KCNT2: variants seen among roughly 807,000 people sequenced by gnomAD.
KCNT2 encodes the protein potassium sodium-activated channel subfamily T member 2.
In KCNT2, 67 loss-of-function variants were observed where a neutral mutation model predicts 153.8. That is an observed-to-expected ratio of 0.44 (90% CI 0.36 to 0.53). The LOEUF (loss-of-function observed/expected upper bound fraction) is 0.53, where lower values mean the gene tolerates loss of function less well. Ranked by LOEUF, KCNT2 falls within the 20% of genes least tolerant of loss-of-function variation. The pLI is 0.00. For synonymous variants in KCNT2, 500 were observed against 458.8 expected (o/e 1.09, Z -1.15); for missense variants, 975 against 1,354.8 (o/e 0.72, Z 4.40).
intron 8 of KCNT2, among the ~76,000 whole-genome samples, chr1:196,451,399 C>A (rs1374133855): frequency 1.5e-5 from 2 of 130,896 alleles, no homozygotes; most frequent in Non-Finnish European, 3.2e-5. Context: ...CGCTACCACA[C>A]CCAACACATT....
intron 1 of KCNT2, among the ~76,000 whole-genome samples, chr1:196,522,179 A>G (rs1352621267): frequency 1.3e-5 from 2 of 152,206 alleles, no homozygotes; most frequent in African/African-American, 2.4e-5. Flanking sequence ...TTCTGCATGC[A>G]TATTTACAAA....
chr1:196,483,059 G>C (rs1679136362), intron 3 of KCNT2, among the ~76,000 whole-genome samples: 1 of 151,926 alleles, frequency 6.6e-6, no homozygotes, highest in African/African-American at 2.4e-5. Context: ...GATTCCAATG[G>C]GAGTTACTTA....
At chr1:196,334,483 C>CTTTTTTTTTTTTTTT (rs757677685) in intron 16 of KCNT2, among the ~76,000 whole-genome samples, 17 of 42,334 alleles carry the variant, frequency 4.0e-4, no homozygotes, top group African/African-American at 1.2e-3. Flanking sequence ...TTCTTTCTTT[C>CTTTTTTTTTTTTTTT]TTTCTTTTTT....
chr1:196,489,460 A>C (rs961463587), intron 3 of KCNT2, among the ~76,000 whole-genome samples: 2 of 152,012 alleles, frequency 1.3e-5, no homozygotes, highest in Non-Finnish European at 1.5e-5. Context: ...GAGTCTTATG[A>C]GGAGATTACA....
intron 1 of KCNT2, among the ~76,000 whole-genome samples, chr1:196,516,996 A>C (rs1005653073): frequency 2.6e-5 from 4 of 152,142 alleles, no homozygotes; most frequent in Admixed American, 6.5e-5. Context: ...AGCTGGGACT[A>C]TGGAGCCAGT....
intron 8 of KCNT2, among the ~76,000 whole-genome samples, chr1:196,438,718 T>A (rs1674948619): frequency 6.6e-6 from 1 of 151,840 alleles, no homozygotes; most frequent in Non-Finnish European, 1.5e-5. Flanking sequence ...ATCACTGAGA[T>A]TAATTGAATA....
In KCNT2 at chr1:196,350,476, C is replaced by T. The variant is rs895498693; in HGVS notation, c.1404-8248G>A. Among the ~76,000 whole-genome samples, 16 of 152,202 alleles carry T rather than the reference C, an allele frequency of 1.1e-4. No individual in the cohort carries two copies. The East Asian group carries it at 1.7e-3, about 17-fold the overall frequency. ...TGGCCAGTGATGATGAGCATTTTTT[C>T]ATGTGTCTTTTGGCTGCATAAATGT... On this transcript the variant is annotated intron_variant, in intron 14 of 27. Transcript: ENST00000294725.
rs761574797 is a variant in KCNT2, at chr1:196,489,872, C to T, written c.241G>A (p.Val81Ile). 1.4e-5 allele frequency: 23 copies of T among 1,590,740 alleles called. No individual in the cohort carries two copies. Among genetic ancestry groups the T allele is most frequent in the Non-Finnish European group, 1.9e-5 (22 of 1,167,778 alleles). The change falls in exon 3 of 28, where the codon GTA (valine) becomes ATA (isoleucine). Residue 81 changes from valine (V) to isoleucine (I), a missense_variant. This residue lies in a region of KCNT2 where 140 missense variants were observed against 216.0 expected (regional missense o/e 0.65). Transcript: ENST00000294725. Reference protein sequence around the residue: ...LLSCLLYIIRVLLENPSQGNE... With the variant: ...LLSCLLYIIRILLENPSQGNE... ...CCTTGTGAAGGGTTTTCTAGTAGTA[C>T]TCGGATTATGTATAATAAGCAGCTT...
At chr1:196,565,061 C>T (rs1435263893) in intron 1 of KCNT2, among the ~76,000 whole-genome samples, 1 of 145,694 alleles carries the variant, frequency 6.9e-6, no homozygotes, top group Admixed American at 6.9e-5. Context: ...ATTTGCAAAC[C>T]ATATATCTGA....
chr1:196,516,045 T>C (rs927371371), intron 1 of KCNT2, among the ~76,000 whole-genome samples: 4 of 152,148 alleles, frequency 2.6e-5, no homozygotes, highest in Non-Finnish European at 1.5e-5. Context: ...CAAAGGCAGC[T>C]GCAACTCCAG....
intron 8 of KCNT2, among the ~76,000 whole-genome samples, chr1:196,434,488 C>T (rs2148559751): frequency 1.3e-5 from 2 of 152,044 alleles, no homozygotes; most frequent in African/African-American, 4.8e-5. Flanking sequence ...ATAATGTACT[C>T]ATAAGGGCAG....
intron 1 of KCNT2, among the ~76,000 whole-genome samples, chr1:196,607,042 TA>T (rs1252875440): frequency 6.6e-6 from 1 of 152,122 alleles, no homozygotes; most frequent in Admixed American, 6.5e-5. Flanking sequence ...CCTTTCAAAT[TA>T]CTAATATGAG....
Position 196,479,271 on chromosome 1 carries a change from G to A in KCNT2, c.325-33C>T, listed in dbSNP as rs147284272. 2.4e-3 allele frequency: 2,967 copies of A among 1,244,568 alleles called. 33 individuals are homozygous for A. The highest frequency in any genetic ancestry group is 0.018 in the East Asian group (769 of 42,756). The allele number at this position is 1,244,568 out of a possible 1,614,324, so 77.1% of individuals were successfully genotyped here. A position where few individuals can be genotyped will look rare whatever the true frequency, so the allele number is the denominator to read the frequency against. ...ATAAATTGTAACTTAATGAGAAAAC[G>A]CAATACAATTAAATTATATATATTC... On this transcript the variant is annotated intron_variant, in intron 4 of 27. Coordinates refer to ENST00000294725, the MANE Select transcript of KCNT2 (RefSeq NM_198503.5).
chr1:196,353,456 G>T (rs928220968), intron 14 of KCNT2, among the ~76,000 whole-genome samples: 1 of 151,718 alleles, frequency 6.6e-6, no homozygotes, highest in African/African-American at 2.4e-5. Context: ...CCAAACCTGG[G>T]GCAACATGAA....
chr1:196,559,407 G>T (rs1432078444), intron 1 of KCNT2, among the ~76,000 whole-genome samples: 1 of 151,440 alleles, frequency 6.6e-6, no homozygotes, highest in Non-Finnish European at 1.5e-5. Flanking sequence ...TGAATATTTC[G>T]ATTGTTTCCA....
At chr1:196,592,112 C>A (rs1663428278) in intron 1 of KCNT2, among the ~76,000 whole-genome samples, 1 of 152,006 alleles carries the variant, frequency 6.6e-6, no homozygotes, top group African/African-American at 2.4e-5. Context: ...TTGGAAGCAA[C>A]CCATTTCCAT....
intron 1 of KCNT2, among the ~76,000 whole-genome samples, chr1:196,593,551 C>T (rs913883733): frequency 5.9e-5 from 9 of 151,664 alleles, no homozygotes; most frequent in Non-Finnish European, 1.2e-4. Context: ...AGAGTATAAT[C>T]GGATTTTTTG....
chr1:196,547,956 C>T (rs535345998), intron 1 of KCNT2, among the ~76,000 whole-genome samples: 4 of 151,716 alleles, frequency 2.6e-5, no homozygotes, highest in South Asian at 2.1e-4. Flanking sequence ...TGATCTGGTA[C>T]GTCTATAGTG....
chr1:196,298,903 G>A (rs75136392), intron 22 of KCNT2, among the ~76,000 whole-genome samples: 209 of 150,786 alleles, frequency 1.4e-3, no homozygotes, highest in Non-Finnish European at 2.3e-3. Flanking sequence ...CAAAGACCAA[G>A]TATTTATTTT....
Sources: allele counts gnomAD v4.1 joint callset (sites outside exome capture counted in the v4.1 genomes callset), GRCh38; gene constraint gnomAD v4.1.1; regional missense constraint gnomAD v4.1.1; transcripts MANE v1.5; gene names NCBI Gene and HGNC (gene_info 2026-07-23, HGNC 2026-07-21).